GALNT14: variants seen among roughly 807,000 people sequenced by gnomAD.
GALNT14 encodes UDP-GalNAc:polypeptide N-acetylgalactosaminyltransferase 14.
A neutral mutation model predicts 77.5 loss-of-function variants in GALNT14; 60 were observed. The observed-to-expected ratio is 0.77, with a 90% CI of 0.63 to 0.96. GALNT14 has a LOEUF of 0.96. GALNT14 is among the 40% of genes least tolerant of loss of function. The pLI, the probability that GALNT14 is intolerant of heterozygous loss-of-function variation, is 0.00. For missense variants in GALNT14, 710 were observed against 731.0 expected (o/e 0.97, Z 0.33); for synonymous variants, 280 against 281.7 (o/e 0.99, Z 0.06).
At chr2:31,119,136 T>TTCTATGTACAA (rs1678259371) in intron 1 of GALNT14, among the ~76,000 whole-genome samples, 1 of 152,200 alleles carries the variant, frequency 6.6e-6, no homozygotes. Context: ...ATTTGGGATA[T>TTCTATGTACAA]TCTATGTACA....
intron 1 of GALNT14, among the ~76,000 whole-genome samples, chr2:31,054,901 C>G (rs1674113406): frequency 6.6e-6 from 1 of 152,166 alleles, no homozygotes; most frequent in African/African-American, 2.4e-5. Context: ...CATCTTTCAA[C>G]ACAGGAAACC....
At chr2:31,109,819 G>A (rs1317725440) in intron 1 of GALNT14, among the ~76,000 whole-genome samples, 1 of 152,164 alleles carries the variant, frequency 6.6e-6, no homozygotes, top group Non-Finnish European at 1.5e-5. Flanking sequence ...TAGCGCGCCA[G>A]GACAAGATGA....
chr2:30,921,545 C>T (rs965703046), intron 13 of GALNT14, among the ~76,000 whole-genome samples: 3 of 152,200 alleles, frequency 2.0e-5, no homozygotes, highest in Admixed American at 6.5e-5. Flanking sequence ...GAAAAGCCAC[C>T]GCAAGCTGGA....
intron 1 of GALNT14, among the ~76,000 whole-genome samples, chr2:31,022,700 T>C (rs149134108): frequency 2.3e-3 from 351 of 152,308 alleles, no homozygotes; most frequent in African/African-American, 7.6e-3. Flanking sequence ...GTAAGGATCA[T>C]TGGGAGCCTT....
chr2:31,121,487 G>A (rs1338417314), intron 1 of GALNT14, among the ~76,000 whole-genome samples: 2 of 152,174 alleles, frequency 1.3e-5, no homozygotes, highest in Non-Finnish European at 2.9e-5. Flanking sequence ...CCCAGTGAGT[G>A]GAGTATAATA....
the GALNT14 span, among the ~76,000 whole-genome samples, chr2:30,888,882 G>A: frequency 6.6e-6 from 1 of 152,096 alleles, no homozygotes; most frequent in Non-Finnish European, 1.5e-5. Flanking sequence ...GCCTTATTTT[G>A]TTGAATTGCC....
At chr2:31,017,223 C>A (rs148350093) in intron 1 of GALNT14, among the ~76,000 whole-genome samples, 1 of 152,156 alleles carries the variant, frequency 6.6e-6, no homozygotes, top group African/African-American at 2.4e-5. Flanking sequence ...ATGACTTGGC[C>A]CCTGGCCCCT....
intron 1 of GALNT14, chr2:31,079,153 G>A: frequency 1.1e-6 from 1 of 872,964 alleles, no homozygotes; most frequent in Non-Finnish European, 1.5e-6. Context: ...TTTGAACCCA[G>A]TGCTATTGCC....
At chr2:30,949,164 C>T (rs1666877808) in intron 6 of GALNT14, among the ~76,000 whole-genome samples, 1 of 152,184 alleles carries the variant, frequency 6.6e-6, no homozygotes, top group African/African-American at 2.4e-5. Context: ...GACACGACCT[C>T]TCTGAGTGCC....
At chr2:31,067,514 G>A (rs910833064) in intron 1 of GALNT14, among the ~76,000 whole-genome samples, 2 of 152,104 alleles carry the variant, frequency 1.3e-5, no homozygotes, top group Admixed American at 1.3e-4. Flanking sequence ...ACTCACTCAG[G>A]AAAGCAGGGT....
downstream of GALNT14, among the ~76,000 whole-genome samples, chr2:30,908,839 C>A (rs868338262): frequency 6.9e-6 from 1 of 145,968 alleles, no homozygotes; most frequent in Non-Finnish European, 1.5e-5. Context: ...CAAAACAGCA[C>A]GGTACTGGTA....
At chr2:31,003,071 C>T (rs1221056536) in intron 1 of GALNT14, among the ~76,000 whole-genome samples, 3 of 152,222 alleles carry the variant, frequency 2.0e-5, no homozygotes, top group Non-Finnish European at 2.9e-5. Flanking sequence ...TTACCCTGCA[C>T]TGGAGAAGGA....
chr2:30,955,529 G>A, intron 6 of GALNT14, 89 bp downstream of exon 6: 6 of 1,513,532 alleles, frequency 4.0e-6, no homozygotes, highest in Non-Finnish European at 5.3e-6. Flanking sequence ...AGAAGAACTG[G>A]GGGTTGCACA....
At chr2:30,926,087 A>G (rs1665359280) in intron 11 of GALNT14, among the ~76,000 whole-genome samples, 1 of 152,218 alleles carries the variant, frequency 6.6e-6, no homozygotes, top group Non-Finnish European at 1.5e-5. Context: ...AGATTGCACT[A>G]TAACTTCTTC....
At chr2:31,020,456 C>G (rs1386339166) in intron 1 of GALNT14, among the ~76,000 whole-genome samples, 2 of 152,336 alleles carry the variant, frequency 1.3e-5, no homozygotes, top group South Asian at 4.1e-4. Context: ...AGCACCCTCT[C>G]TGGGTAGCAC....
In GALNT14 at chr2:30,983,859, T is replaced by C. The variant is rs539618466; in HGVS notation, c.299+8979A>G. On this transcript the variant is annotated intron_variant, in intron 2 of 14. Coordinates refer to ENST00000349752, the MANE Select transcript of GALNT14 (RefSeq NM_024572.4). Reference sequence around the variant, plus strand: ...CTAACTCAGTGAACTTTAGACATAATAAGAAGTTTTATGTTTGTGACAGAA... The same window carrying C: ...CTAACTCAGTGAACTTTAGACATAACAAGAAGTTTTATGTTTGTGACAGAA... Among the ~76,000 whole-genome samples the C allele has an allele frequency of 1.4e-5, 2 of 143,802 alleles. 1 individual carries two copies. The highest frequency in any genetic ancestry group is 4.6e-4 in the South Asian group (2 of 4,380). 94.3% of individuals were successfully genotyped at this position (143,802 alleles called of 152,430 possible). A position where few individuals can be genotyped will look rare whatever the true frequency, so the allele number is the denominator to read the frequency against.
chr2:31,050,633 G>A (rs568869652), intron 1 of GALNT14, among the ~76,000 whole-genome samples: 84 of 152,224 alleles, frequency 5.5e-4, no homozygotes, highest in Non-Finnish European at 1.0e-3. Context: ...CATCTGTGCT[G>A]GTGTTTTACT....
chr2:31,091,195 C>A (rs796913467), intron 1 of GALNT14, among the ~76,000 whole-genome samples: 2 of 152,074 alleles, frequency 1.3e-5, no homozygotes, highest in African/African-American at 4.8e-5. Flanking sequence ...TTCTGCAGGA[C>A]AGGGGAGCTA....
At chr2:31,081,234 C>A (rs1390223537) in intron 1 of GALNT14, among the ~76,000 whole-genome samples, 1 of 152,206 alleles carries the variant, frequency 6.6e-6, no homozygotes, top group African/African-American at 2.4e-5. Flanking sequence ...TCGTGAAGGT[C>A]ATACCAATAG....
Sources: gnomAD v4.1 joint callset for allele counts (sites outside exome capture counted in the v4.1 genomes callset) on GRCh38, gnomAD v4.1.1 for gene constraint, MANE v1.5 for transcripts, NCBI Gene and HGNC (gene_info 2026-07-23, HGNC 2026-07-21) for gene names.